Variants in MGST1 observed in about 807,000 individuals in gnomAD.
MGST1 encodes the protein microsomal glutathione S-transferase 1.
Under a neutral mutation model 8.9 loss-of-function variants are expected in MGST1, and 5 were observed. That is an observed-to-expected ratio of 0.56 (90% CI 0.29 to 1.19). MGST1 has a LOEUF of 1.19. MGST1 is among the 50% of genes most tolerant of loss of function. The pLI, the probability that MGST1 is intolerant of heterozygous loss-of-function variation, is 0.08. For missense variants in MGST1, 182 were observed against 187.4 expected, an observed-to-expected ratio of 0.97 and a Z score of 0.17; for synonymous variants, 54 against 67.8, an observed-to-expected ratio of 0.80 and a Z score of 1.00.
chr12:16,552,207 A>G (rs1942013532), intron 4 of MGST1, among the ~76,000 whole-genome samples: 1 of 152,064 alleles, frequency 6.6e-6, no homozygotes, highest in Admixed American at 6.6e-5. Flanking sequence ...ACATTTAACA[A>G]TAAAGTAACT....
At chr12:16,452,161 C>T (rs1429369861) in intron 4 of MGST1, among the ~76,000 whole-genome samples, 1 of 151,764 alleles carries the variant, frequency 6.6e-6, no homozygotes, top group Non-Finnish European at 1.5e-5. Context: ...ATCCTGAGAA[C>T]TGTAGAGAGT....
chr12:16,572,339 CTTTTTT>C (rs59773866), intron 4 of MGST1, among the ~76,000 whole-genome samples: 579 of 89,534 alleles, frequency 6.5e-3, no homozygotes, highest in Non-Finnish European at 7.2e-3. Flanking sequence ...GGTCCAAACT[CTTTTTT>C]TTTTTTTTTT....
At chr12:16,371,972 G>A (rs1940300547) in intron 3 of MGST1, among the ~76,000 whole-genome samples, 1 of 151,986 alleles carries the variant, frequency 6.6e-6, no homozygotes, top group African/African-American at 2.4e-5. Flanking sequence ...GGGAAAATTG[G>A]ATCTCCACGT....
At chr12:16,574,999 C>T (rs1565495014) in intron 4 of MGST1, among the ~76,000 whole-genome samples, 1 of 152,060 alleles carries the variant, frequency 6.6e-6, no homozygotes, top group Non-Finnish European at 1.5e-5. Flanking sequence ...CATAGTATGA[C>T]AAACTAGTAA....
chr12:16,357,193 C>T (rs1375368875), intron 2 of MGST1, among the ~76,000 whole-genome samples: 1 of 152,162 alleles, frequency 6.6e-6, no homozygotes, highest in African/African-American at 2.4e-5. Flanking sequence ...ACCTGGATGT[C>T]TATATTTCTT....
At chr12:16,377,810 G>A (rs1298849124), downstream of MGST1, among the ~76,000 whole-genome samples, 1 of 151,222 alleles carries the variant, frequency 6.6e-6, no homozygotes, top group Non-Finnish European at 1.5e-5. Flanking sequence ...AGCACCTGTT[G>A]TTTCCTGACT....
intron 4 of MGST1, among the ~76,000 whole-genome samples, chr12:16,445,390 G>C (rs1941071919): frequency 1.3e-5 from 2 of 151,730 alleles, no homozygotes; most frequent in African/African-American, 4.8e-5. Context: ...CTACCCTCCA[G>C]GTCTCATGTG....
chr12:16,565,385 A>T (rs1289917890), intron 4 of MGST1, among the ~76,000 whole-genome samples: 1 of 152,196 alleles, frequency 6.6e-6, no homozygotes, highest in African/African-American at 2.4e-5. Flanking sequence ...TAAGGAAGGT[A>T]GTGATAGAAA....
At chr12:16,431,195 T>G (rs1361269605) in intron 1 of MGST1, among the ~76,000 whole-genome samples, 1 of 152,232 alleles carries the variant, frequency 6.6e-6, no homozygotes, top group East Asian at 1.9e-4. Flanking sequence ...AGCTTTGGCT[T>G]CAGGGGACAT....
At chr12:16,498,705 A>G (rs1367258894) in intron 4 of MGST1, among the ~76,000 whole-genome samples, 3 of 152,212 alleles carry the variant, frequency 2.0e-5, no homozygotes, top group Non-Finnish European at 4.4e-5. Context: ...CCCGCTTTCC[A>G]TGATCAAATG....
intron 4 of MGST1, chr12:16,549,441 T>G (rs1473401597): frequency 6.6e-6 from 1 of 152,542 alleles, no homozygotes; most frequent in Non-Finnish European, 1.5e-5. Context: ...ATATCCAGAT[T>G]CACATGCATG....
intron 1 of MGST1, among the ~76,000 whole-genome samples, chr12:16,426,446 G>C (rs1452841000): frequency 6.6e-6 from 1 of 151,984 alleles, no homozygotes; most frequent in Non-Finnish European, 1.5e-5. Flanking sequence ...TTTTGTTCTA[G>C]TTGTTTTTCC....
chr12:16,546,530 C>T lies in MGST1; in HGVS notation n.483-42998C>T, dbSNP rs533568481. On this transcript the variant is annotated intron_variant and non_coding_transcript_variant, in intron 4 of 4. Transcript: ENST00000538857. The surrounding 1 kb of genome is among the most constrained non-coding windows in gnomAD (Gnocchi z 4.7). The stretch of plus-strand genomic sequence containing the variant: ...TTGGTCTTTATAATTTTGTGCATTA[C>T]GTGATCTGCACGCCCAAAACAGGAG... Among the ~76,000 whole-genome samples, 18 of 152,218 alleles carry T rather than the reference C, an allele frequency of 1.2e-4. No individual in the cohort carries two copies. Among genetic ancestry groups the T allele is most frequent in the South Asian group, 6.2e-4 (3 of 4,824 alleles).
At chr12:16,423,870 G>A (rs1201820453) in intron 1 of MGST1, among the ~76,000 whole-genome samples, 1 of 152,162 alleles carries the variant, frequency 6.6e-6, no homozygotes, top group African/African-American at 2.4e-5. Flanking sequence ...TTTCTGCTAT[G>A]ATTCCCACGT....
intron 4 of MGST1, among the ~76,000 whole-genome samples, chr12:16,508,849 C>A (rs1941557920): frequency 6.6e-6 from 1 of 152,146 alleles, no homozygotes; most frequent in Non-Finnish European, 1.5e-5. Context: ...TGTATAGGCA[C>A]TGTTTTAGCT....
chr12:16,551,424 A>G (rs972608486), intron 4 of MGST1: 4 of 722,362 alleles, frequency 5.5e-6, no homozygotes, highest in African/African-American at 5.3e-5. Flanking sequence ...TCGCATGGTA[A>G]TTCCCTGAAT....
chr12:16,589,995 C>T (rs994053935), downstream of MGST1, among the ~76,000 whole-genome samples: 1 of 152,056 alleles, frequency 6.6e-6, no homozygotes, highest in African/African-American at 2.4e-5. The surrounding 1 kb of genome is among the most constrained non-coding windows in gnomAD (Gnocchi z 4.2). Context: ...CCCATTCATC[C>T]TGTACCTCCT....
intron 1 of MGST1, among the ~76,000 whole-genome samples, chr12:16,423,694 A>T (rs1177269330): frequency 6.6e-6 from 1 of 152,184 alleles, no homozygotes; most frequent in Non-Finnish European, 1.5e-5. Context: ...TACTCAGCAT[A>T]CATACTCCTT....
intron 1 of MGST1, among the ~76,000 whole-genome samples, chr12:16,417,726 G>A (rs74063778): frequency 0.014 from 2,124 of 152,166 alleles, 51 homozygotes; most frequent in African/African-American, 0.049. Flanking sequence ...GTTAATAAGG[G>A]CCTAGATATT....
Sources: gnomAD v4.1 joint callset for allele counts (sites outside exome capture counted in the v4.1 genomes callset) on GRCh38, gnomAD v4.1.1 for gene constraint, Gnocchi (gnomAD v3.1) non-coding constraint, MANE v1.5 for transcripts, NCBI Gene and HGNC (gene_info 2026-07-23, HGNC 2026-07-21) for gene names.